LDLRAD3: variants seen among roughly 807,000 people sequenced by gnomAD.
LDLRAD3 encodes low density lipoprotein receptor class A domain containing 3.
A neutral mutation model predicts 29.4 loss-of-function variants in LDLRAD3; 20 were observed. That is an observed-to-expected ratio of 0.68 (90% CI 0.48 to 0.99). The LOEUF is 0.99. LDLRAD3 is among the 50% of genes least tolerant of loss of function. LDLRAD3 has a pLI of 0.00. For missense variants in LDLRAD3, 420 were observed against 454.3 expected, an observed-to-expected ratio of 0.92 and a Z score of 0.69; for synonymous variants, 157 against 192.7, an observed-to-expected ratio of 0.81 and a Z score of 1.53.
intron 4 of LDLRAD3, among the ~76,000 whole-genome samples, chr11:36,214,070 C>G (rs1188073682): frequency 4.6e-5 from 7 of 152,206 alleles, no homozygotes; most frequent in African/African-American, 1.7e-4. Context: ...TCATTAAATG[C>G]TTTCAGTTGC....
intron 2 of LDLRAD3, among the ~76,000 whole-genome samples, chr11:36,047,608 G>T (rs143595701): frequency 1.3e-5 from 2 of 152,186 alleles, no homozygotes; most frequent in African/African-American, 4.8e-5. Context: ...TGCACCATGT[G>T]TGTATGTTTT....
intron 4 of LDLRAD3, among the ~76,000 whole-genome samples, chr11:36,191,931 A>G (rs1854960149): frequency 6.6e-6 from 1 of 152,076 alleles, no homozygotes; most frequent in African/African-American, 2.4e-5. Context: ...AGAGATGGTA[A>G]TAAACTAGAA....
chr11:35,986,480 G>A (rs1453364206), intron 1 of LDLRAD3, among the ~76,000 whole-genome samples: 1 of 152,214 alleles, frequency 6.6e-6, no homozygotes. Context: ...TAATGTGTTA[G>A]TCAGGGTAGG....
chr11:36,140,099 A>T (rs1854059848), intron 4 of LDLRAD3, among the ~76,000 whole-genome samples: 3 of 152,228 alleles, frequency 2.0e-5, no homozygotes, highest in African/African-American at 7.2e-5. Context: ...GAGCAGGACA[A>T]GGGAAATGAT....
chr11:36,043,386 C>T (rs1481097960), intron 2 of LDLRAD3, among the ~76,000 whole-genome samples: 4 of 152,218 alleles, frequency 2.6e-5, no homozygotes, highest in Non-Finnish European at 5.9e-5. Flanking sequence ...CGTCTGCAGA[C>T]ATCCTGCTTT....
At chr11:36,150,705 A>C (rs1222304383) in intron 4 of LDLRAD3, among the ~76,000 whole-genome samples, 1 of 152,098 alleles carries the variant, frequency 6.6e-6, no homozygotes, top group Non-Finnish European at 1.5e-5. Context: ...CCGTGAGCCA[A>C]GATTGAGCCA....
At chr11:36,057,941 G>C (rs1242854550) in intron 2 of LDLRAD3, among the ~76,000 whole-genome samples, 4 of 152,132 alleles carry the variant, frequency 2.6e-5, no homozygotes, top group Non-Finnish European at 5.9e-5. Context: ...AGTTCTTTAG[G>C]TTGCAGTTTT....
At chr11:36,177,880 A>G (rs1427474470) in intron 4 of LDLRAD3, among the ~76,000 whole-genome samples, 1 of 152,192 alleles carries the variant, frequency 6.6e-6, no homozygotes, top group East Asian at 1.9e-4. Context: ...GGTCGCCTGG[A>G]TAAGTATTTG....
chr11:36,229,724 T>G lies in LDLRAD3; in HGVS notation c.*327T>G, dbSNP rs904374941. On this transcript the variant is annotated 3_prime_UTR_variant, in exon 6 of 6. Coordinates refer to ENST00000315571, the MANE Select transcript of LDLRAD3 (RefSeq NM_174902.4). ...ATTGAAATAGGCTGGGAGAGAGCAATGTTTCTGTGCTATATTGGATGCTCA... is the reference window on the plus strand; with the variant it reads ...ATTGAAATAGGCTGGGAGAGAGCAAGGTTTCTGTGCTATATTGGATGCTCA... The G allele has an allele frequency of 1.0e-5, 3 of 290,422 alleles. No homozygotes were observed. Among genetic ancestry groups the G allele is most frequent in the South Asian group, 8.2e-5 (1 of 12,126 alleles). 18.0% of individuals were successfully genotyped at this position (290,422 alleles called of 1,614,324 possible). A position where few individuals can be genotyped will look rare whatever the true frequency, so the allele number is the denominator to read the frequency against.
In LDLRAD3 at chr11:36,213,949, C is replaced by T. The variant is rs568362227; in HGVS notation, c.455-13136C>T. On this transcript the variant is annotated intron_variant, in intron 4 of 5. Coordinates refer to ENST00000315571, the MANE Select transcript of LDLRAD3 (RefSeq NM_174902.4). This position sits in a 1 kb window ranked among gnomAD's most constrained non-coding sequence, Gnocchi z 4.1. ...GAAACTACAGAAGCAAGCTCACAGT[C>T]GCTTCACTCGGCTCAAATTTAAAAC... 8.5e-5 allele frequency among the ~76,000 whole-genome samples: 13 copies of T among 152,340 alleles called. No homozygotes were observed. Among genetic ancestry groups the T allele is most frequent in the African/African-American group, 2.9e-4 (12 of 41,586 alleles).
intron 4 of LDLRAD3, among the ~76,000 whole-genome samples, chr11:36,146,726 C>T (rs1003767866): frequency 2.8e-5 from 4 of 145,260 alleles, no homozygotes; most frequent in African/African-American, 1.0e-4. Context: ...TGGCATTCTC[C>T]CCGGAGTCCC....
At chr11:36,117,087 C>T (rs765877528) in intron 4 of LDLRAD3, among the ~76,000 whole-genome samples, 15 of 152,192 alleles carry the variant, frequency 9.9e-5, no homozygotes, top group Non-Finnish European at 1.6e-4. Context: ...GTGATCTACC[C>T]ACCAGTGATC....
At chr11:35,986,589 C>T (rs975480730) in intron 1 of LDLRAD3, among the ~76,000 whole-genome samples, 1 of 152,202 alleles carries the variant, frequency 6.6e-6, no homozygotes, top group Non-Finnish European at 1.5e-5. Flanking sequence ...CAGTAGTGGG[C>T]GAGGGCTCTA....
intron 4 of LDLRAD3, among the ~76,000 whole-genome samples, chr11:36,165,363 T>A (rs1027967109): frequency 3.3e-5 from 5 of 151,994 alleles, no homozygotes; most frequent in Admixed American, 2.0e-4. Flanking sequence ...TTTGCTTTCG[T>A]CTTTTGAATT....
chr11:36,182,852 G>C (rs763137041), intron 4 of LDLRAD3, among the ~76,000 whole-genome samples: 1 of 152,110 alleles, frequency 6.6e-6, no homozygotes, highest in Non-Finnish European at 1.5e-5. Flanking sequence ...ACTGGGGGCT[G>C]TGTGTCTCAG....
At chr11:36,210,373 C>A (rs1177672288) in intron 4 of LDLRAD3, among the ~76,000 whole-genome samples, 1 of 152,062 alleles carries the variant, frequency 6.6e-6, no homozygotes, top group African/African-American at 2.4e-5. Flanking sequence ...TAAACACAGC[C>A]CCATTAATGT....
At chr11:36,193,210 A>G (rs556593267) in intron 4 of LDLRAD3, among the ~76,000 whole-genome samples, 17 of 152,322 alleles carry the variant, frequency 1.1e-4, no homozygotes, top group African/African-American at 4.1e-4. Flanking sequence ...GCCAATGTAT[A>G]CAAATTGCTT....
intron 4 of LDLRAD3, among the ~76,000 whole-genome samples, chr11:36,145,229 A>C (rs1459587099): frequency 1.5e-5 from 1 of 65,776 alleles, no homozygotes; most frequent in East Asian, 6.9e-4. Context: ...CCCACCCGCC[A>C]GCCGCCCCGT....
chr11:36,074,365 C>T (rs903966501), intron 2 of LDLRAD3, among the ~76,000 whole-genome samples: 2 of 152,090 alleles, frequency 1.3e-5, no homozygotes, highest in Non-Finnish European at 2.9e-5. Context: ...GGTTCTACTG[C>T]AGATAGTGCA....
Sources: gnomAD v4.1 joint callset for allele counts (sites outside exome capture counted in the v4.1 genomes callset) on GRCh38, gnomAD v4.1.1 for gene constraint, Gnocchi (gnomAD v3.1) non-coding constraint, MANE v1.5 for transcripts, NCBI Gene and HGNC (gene_info 2026-07-23, HGNC 2026-07-21) for gene names.